MAP3K15: variants seen among roughly 807,000 people sequenced by gnomAD.
MAP3K15 encodes MAPK/ERK kinase kinase 15.
Under a neutral mutation model 99.5 loss-of-function variants are expected in MAP3K15, and 124 were observed. That is an observed-to-expected ratio of 1.25 (90% CI 1.08 to 1.45). The LOEUF (loss-of-function observed/expected upper bound fraction) is 1.45. MAP3K15 is among the 40% of genes most tolerant of loss of function. The pLI, the probability that MAP3K15 is intolerant of heterozygous loss-of-function variation, is 0.00. For synonymous variants in MAP3K15, 494 were observed against 439.6 expected (o/e 1.12, Z -1.55); for missense variants, 1,242 against 1,079.7 (o/e 1.15, Z -2.11).
In MAP3K15 at chrX:19,487,382, A is replaced by G. The variant is rs774810480; in HGVS notation, c.502-877T>C. On this transcript the variant is annotated intron_variant, in intron 2 of 28. Transcript: ENST00000338883. ...GAAGAAACTGTCCTAAATTGAAAAA[A>G]AAATTCTAATTTCATGTTTTTCATC... is the stretch of plus-strand genomic sequence containing the variant. Among the ~76,000 whole-genome samples the G allele has an allele frequency of 2.7e-5, 3 of 111,948 alleles. No homozygotes were observed. In the South Asian group the frequency reaches 1.1e-3, roughly 42 times the overall value.
At chrX:19,411,396 C>G (rs1403606592) in intron 11 of MAP3K15, among the ~76,000 whole-genome samples, 1 of 112,094 alleles carries the variant, frequency 8.9e-6, no homozygotes. Context: ...AAGTTTTAGT[C>G]ATACGTGTTG....
intron 3 of MAP3K15, among the ~76,000 whole-genome samples, chrX:19,481,561 A>AGAGAACTCTTACACAGCTTC (rs1187763712): frequency 3.6e-5 from 4 of 112,283 alleles, no homozygotes; most frequent in South Asian, 3.7e-4. Context: ...CAAAATGTAT[A>AGAGAACTCTTACACAGCTTC]GAGAACTCTT....
At chrX:19,362,419 C>G (rs752826) in intron 26 of MAP3K15, among the ~76,000 whole-genome samples, 23,027 of 107,784 alleles carry the variant, frequency 0.21, 4,984 homozygotes, top group African/African-American at 0.65. Flanking sequence ...ATTTTTTGTA[C>G]GGATGGGGTT....
At chrX:19,448,583 T>C (rs1227025341) in intron 6 of MAP3K15, among the ~76,000 whole-genome samples, 3 of 109,529 alleles carry the variant, frequency 2.7e-5, no homozygotes, top group African/African-American at 9.8e-5. Context: ...AAAAAAATTA[T>C]ACATGAGAAA....
At chrX:19,416,044 C>T (rs1312655289) in intron 9 of MAP3K15, among the ~76,000 whole-genome samples, 2 of 111,868 alleles carry the variant, frequency 1.8e-5, no homozygotes, top group African/African-American at 6.5e-5. Flanking sequence ...AAAACTCCAC[C>T]ATGTGGCCAG....
rs957511297 is a variant in MAP3K15 at position 19,443,284 on chromosome X, C to T, written c.996-11676G>A. On this transcript the variant is annotated intron_variant, in intron 6 of 28. Transcript: ENST00000338883. ...CTGACCTCAAGTGATCTGCCTGCCT[C>T]GACCTCCCAAAGTGCTGGGATGACA... is the stretch of plus-strand genomic sequence containing the variant. Among the ~76,000 whole-genome samples the T allele has an allele frequency of 1.2e-4, 13 of 110,293 alleles. No individual in the cohort carries two copies. The Admixed American group carries it at 1.3e-3, about 11-fold the overall frequency.
intron 12 of MAP3K15, among the ~76,000 whole-genome samples, chrX:19,409,404 G>T (rs781451197): frequency 9.0e-6 from 1 of 111,479 alleles, no homozygotes; most frequent in South Asian, 3.8e-4. Context: ...GAGATGTTTA[G>T]CCCTGCTTGG....
chrX:19,371,642 G>T, intron 22 of MAP3K15, 112 bp from the exon 23 acceptor site: 1 of 661,243 alleles, frequency 1.5e-6, no homozygotes, highest in Non-Finnish European at 2.2e-6. Context: ...GGAACTCCCA[G>T]GTGAGAAGGG....
intron 1 of MAP3K15, among the ~76,000 whole-genome samples, chrX:19,494,302 G>C (rs1223135950): frequency 9.0e-6 from 1 of 111,203 alleles, no homozygotes; most frequent in Non-Finnish European, 1.9e-5. Flanking sequence ...CTTTTTAAGA[G>C]AGAGAGAGAG....
intron 25 of MAP3K15, among the ~76,000 whole-genome samples, chrX:19,366,472 T>TC (rs1216107984): frequency 9.0e-6 from 1 of 111,577 alleles, no homozygotes; most frequent in African/African-American, 3.3e-5. Context: ...CTCCCATAAT[T>TC]CCCTTGTGTT....
chrX:19,421,669 G>GA (rs57659077), intron 9 of MAP3K15, among the ~76,000 whole-genome samples: 1,908 of 94,943 alleles, frequency 0.02, 68 homozygotes, highest in African/African-American at 0.1. Flanking sequence ...CATGGAATTG[G>GA]AAAAAACTAC....
chrX:19,508,160 G>A (rs1236110915), intron 1 of MAP3K15, among the ~76,000 whole-genome samples: 1 of 110,891 alleles, frequency 9.0e-6, no homozygotes, highest in Non-Finnish European at 1.9e-5. Flanking sequence ...GAGCCGCCAC[G>A]CCCAGCCAGG....
At chrX:19,405,185 T>C (rs781186948) in intron 13 of MAP3K15, among the ~76,000 whole-genome samples, 18 of 111,188 alleles carry the variant, frequency 1.6e-4, no homozygotes, top group Non-Finnish European at 3.2e-4. Context: ...AAATCAATAA[T>C]AAAATGATAA....
At chrX:19,419,233 C>T (rs1242474549) in intron 9 of MAP3K15, among the ~76,000 whole-genome samples, 7 of 111,770 alleles carry the variant, frequency 6.3e-5, no homozygotes, top group African/African-American at 2.3e-4. Context: ...AATTAAAAGA[C>T]ACAGACTGGC....
chrX:19,504,379 A>G (rs977236931), intron 1 of MAP3K15, among the ~76,000 whole-genome samples: 4 of 110,823 alleles, frequency 3.6e-5, no homozygotes, highest in East Asian at 2.9e-4. Flanking sequence ...TGCTGCTCAC[A>G]TCGCACTGGC....
At chrX:19,470,544 A>AT (rs1488314930) in intron 3 of MAP3K15, among the ~76,000 whole-genome samples, 2 of 35,118 alleles carry the variant, frequency 5.7e-5, no homozygotes, top group Non-Finnish European at 1.7e-4. Context: ...TAAAACTTAA[A>AT]TTAAAAAAAA....
Position 19,398,255 on chromosome X carries a change from G to A in MAP3K15, c.2037C>T (p.Ala679=), listed in dbSNP as rs1408312126. 6.6e-6 allele frequency: 8 copies of A among 1,211,105 alleles called. No homozygotes were observed. Among genetic ancestry groups the A allele is most frequent in the Non-Finnish European group, 8.9e-6 (8 of 895,389 alleles). ...TATCTCTCTCCGGGATTTCTTTGAT[G>A]GCTATTCGCACTTGATTGCTCAGAT... The part of the protein sequence containing the change: ...GRDLSNQVRI[A]IKEIPERDSR... Residue 679 remains alanine (A), a synonymous_variant, in exon 15 of 29, where the codon GCC becomes GCT. Coordinates refer to ENST00000338883, the MANE Select transcript of MAP3K15 (RefSeq NM_001001671.4).
At chrX:19,494,715 G>A (rs2064389185) in intron 1 of MAP3K15, among the ~76,000 whole-genome samples, 1 of 109,817 alleles carries the variant, frequency 9.1e-6, no homozygotes. Context: ...TTATCCTTAA[G>A]TCTATCTAAC....
At chrX:19,400,525 C>T (rs1333657086) in intron 14 of MAP3K15, 51 bp downstream of exon 14, 1 of 909,927 alleles carries the variant, frequency 1.1e-6, no homozygotes, top group Non-Finnish European at 1.6e-6. Flanking sequence ...TTTCTTGAAG[C>T]ATCGAACACA....
Sources: gnomAD v4.1 joint callset for allele counts (sites outside exome capture counted in the v4.1 genomes callset) on GRCh38, gnomAD v4.1.1 for gene constraint, MANE v1.5 for transcripts, NCBI Gene and HGNC (gene_info 2026-07-23, HGNC 2026-07-21) for gene names.